The following RFX3 variants were observed in gnomAD, a reference collection of about 807,000 sequenced individuals.
RFX3 encodes regulatory factor X3.
RFX3 carries 14 observed loss-of-function variants against 98.6 expected under a neutral mutation model. The observed-to-expected ratio is 0.14, with a 90% CI of 0.09 to 0.22. The LOEUF (loss-of-function observed/expected upper bound fraction) is 0.22. Among genes scored for constraint, RFX3 ranks in the 10% least tolerant of loss-of-function variants. The pLI is 1.00. For missense variants in RFX3, 639 were observed against 926.9 expected (o/e 0.69, Z 4.03); for synonymous variants, 383 against 328.4 (o/e 1.17, Z -1.80).
intron 1 of RFX3, among the ~76,000 whole-genome samples, chr9:3,419,752 A>G (rs1587605637): frequency 6.6e-6 from 1 of 152,334 alleles, no homozygotes; most frequent in African/African-American, 2.4e-5. Flanking sequence ...TAGTTGTTAC[A>G]CTGTATTTTT....
chr9:3,467,730 G>T (rs76863076), intron 1 of RFX3, among the ~76,000 whole-genome samples: 1 of 152,252 alleles, frequency 6.6e-6, no homozygotes, highest in East Asian at 1.9e-4. Flanking sequence ...ATGCAACCTG[G>T]AATGGAAAGA....
chr9:3,383,645 A>C (rs1370418699), intron 2 of RFX3, among the ~76,000 whole-genome samples: 2 of 152,160 alleles, frequency 1.3e-5, no homozygotes, highest in African/African-American at 4.8e-5. Context: ...GAGTGGCTCC[A>C]GTTTGCTTTA....
intron 2 of RFX3, among the ~76,000 whole-genome samples, chr9:3,366,693 C>CTTTCTTTCTTTCTTT (rs1554681220): frequency 1.6e-4 from 14 of 85,490 alleles, no homozygotes; most frequent in Middle Eastern, 5.9e-3. Flanking sequence ...TTCTTTCTTT[C>CTTTCTTTCTTTCTTT]CTTTCTTTCT....
At chr9:3,484,220 T>C (rs1224655577) in intron 1 of RFX3, among the ~76,000 whole-genome samples, 1 of 152,194 alleles carries the variant, frequency 6.6e-6, no homozygotes, top group East Asian at 1.9e-4. Context: ...ATATAAAAGA[T>C]CATGGATATA....
intron 7 of RFX3, among the ~76,000 whole-genome samples, chr9:3,282,318 C>T (rs3012685): frequency 0.016 from 2,397 of 151,908 alleles, 60 homozygotes; most frequent in African/African-American, 0.054. Flanking sequence ...CTTCTAACAT[C>T]AACCATGCTG....
chr9:3,416,261 G>A (rs1190170625), intron 1 of RFX3, among the ~76,000 whole-genome samples: 1 of 152,138 alleles, frequency 6.6e-6, no homozygotes, highest in Non-Finnish European at 1.5e-5. Context: ...AGCCCTGTAA[G>A]GTGATTATTC....
At chr9:3,318,514 A>C (rs1195428135) in intron 4 of RFX3, among the ~76,000 whole-genome samples, 1 of 151,608 alleles carries the variant, frequency 6.6e-6, no homozygotes, top group Non-Finnish European at 1.5e-5. Flanking sequence ...TAGAAATTAA[A>C]GTAAAATAAT....
intron 7 of RFX3, among the ~76,000 whole-genome samples, chr9:3,285,727 G>A (rs2131552849): frequency 6.6e-6 from 1 of 150,916 alleles, no homozygotes; most frequent in Non-Finnish European, 1.5e-5. Flanking sequence ...TACTTCTTTG[G>A]TTCTTTCACA....
chr9:3,314,345 C>T (rs970905751), intron 4 of RFX3, among the ~76,000 whole-genome samples: 1 of 152,152 alleles, frequency 6.6e-6, no homozygotes, highest in Non-Finnish European at 1.5e-5. Context: ...CACCACCAGG[C>T]CTGCCTTACA....
intron 1 of RFX3, among the ~76,000 whole-genome samples, chr9:3,464,222 T>A (rs1269942951): frequency 6.6e-6 from 1 of 152,236 alleles, no homozygotes; most frequent in African/African-American, 2.4e-5. Flanking sequence ...AGTTTGGCAG[T>A]TACTTCGAAA....
In RFX3 at chr9:3,457,564, T is replaced by G. The variant is rs141002748; in HGVS notation, c.-8-61968A>C. On this transcript the variant is annotated intron_variant, in intron 1 of 16. Transcript: ENST00000617270. ...ATCTGTCCCAACCAGTAGTTTGTTC[T>G]TTTATTATTATTTTTTTTCATGATC... Among the ~76,000 whole-genome samples, 395 of 152,314 alleles carry G rather than the reference T, an allele frequency of 2.6e-3. 1 individual carries two copies. The highest frequency in any genetic ancestry group is 9.2e-3 in the African/African-American group (382 of 41,568).
chr9:3,324,108 G>T (rs977861135), intron 4 of RFX3: 1 of 396,054 alleles, frequency 2.5e-6, no homozygotes, highest in South Asian at 2.0e-5. Context: ...AGGGAAAAAG[G>T]GACACAGGAA....
At chr9:3,336,984 G>A (rs1049269389) in intron 3 of RFX3, among the ~76,000 whole-genome samples, 53 of 152,246 alleles carry the variant, frequency 3.5e-4, no homozygotes, top group African/African-American at 1.2e-3. Context: ...ATTTTCTCAC[G>A]GTGGATGATA....
At chr9:3,525,368 C>A (rs1819161483) in intron 1 of RFX3, among the ~76,000 whole-genome samples, 1 of 152,220 alleles carries the variant, frequency 6.6e-6, no homozygotes, top group Non-Finnish European at 1.5e-5. Context: ...TATCTCTTCA[C>A]CTGACCCTCC....
intron 1 of RFX3, among the ~76,000 whole-genome samples, chr9:3,507,537 C>G (rs185986852): frequency 6.6e-6 from 1 of 151,888 alleles, no homozygotes; most frequent in Non-Finnish European, 1.5e-5. Context: ...AATTCACACC[C>G]AGGGCTGTTC....
At chr9:3,309,753 T>A (rs1829750841) in intron 4 of RFX3, among the ~76,000 whole-genome samples, 1 of 152,182 alleles carries the variant, frequency 6.6e-6, no homozygotes. Flanking sequence ...GGGAACATAT[T>A]TTTCCTATTA....
chr9:3,504,954 A>ATCT (rs1816747996), intron 1 of RFX3, among the ~76,000 whole-genome samples: 1 of 70,862 alleles, frequency 1.4e-5, no homozygotes, highest in Non-Finnish European at 2.3e-5. Context: ...AATATAATAT[A>ATCT]TATTATATAT....
intron 1 of RFX3, among the ~76,000 whole-genome samples, chr9:3,505,286 TTTTATATTTA>T (rs1816890292): frequency 3.2e-5 from 2 of 62,376 alleles, no homozygotes; most frequent in Admixed American, 2.2e-4. Context: ...ATATATACAT[TTTTATATTTA>T]TATATATATA....
intron 1 of RFX3, among the ~76,000 whole-genome samples, chr9:3,426,982 A>G (rs1287379122): frequency 1.3e-5 from 2 of 151,976 alleles, no homozygotes; most frequent in Non-Finnish European, 2.9e-5. Context: ...CTGGTATAGA[A>G]CACTAGTAGT....
Sources: allele counts gnomAD v4.1 joint callset (sites outside exome capture counted in the v4.1 genomes callset), GRCh38; gene constraint gnomAD v4.1.1; transcripts MANE v1.5; gene names NCBI Gene and HGNC (gene_info 2026-07-23, HGNC 2026-07-21).